The following EIF2AK1 variants were observed in gnomAD, a reference collection of about 807,000 sequenced individuals.
EIF2AK1 encodes eukaryotic translation initiation factor 2 alpha kinase 1.
EIF2AK1 carries 54 observed loss-of-function variants against 77.9 expected under a neutral mutation model. That is an observed-to-expected ratio of 0.69 (90% CI 0.56 to 0.87). The LOEUF (loss-of-function observed/expected upper bound fraction) is 0.87, where lower values mean the gene tolerates loss of function less well. Ranked by LOEUF, EIF2AK1 falls within the 40% of genes least tolerant of loss-of-function variation. EIF2AK1 has a pLI of 0.00. For synonymous variants in EIF2AK1, 314 were observed against 290.5 expected (o/e 1.08, Z -0.82); for missense variants, 810 against 768.6 (o/e 1.05, Z -0.64).
intron 11 of EIF2AK1, chr7:6,031,339 A>G (rs1787904744): frequency 2.0e-5 from 31 of 1,531,896 alleles, no homozygotes; most frequent in Non-Finnish European, 2.7e-5. Flanking sequence ...GACCAATTCC[A>G]TAACAACATT....
Position 6,035,109 on chromosome 7 carries a change from C to T in EIF2AK1, c.1332+2315G>A, listed in dbSNP as rs1420530241. ...AGATACAGCCTTGAAGGGACACAGC[C>T]CTAGCGGGGACGGCACAGGTAAAAC... On this transcript the variant is annotated intron_variant, in intron 11 of 14. Transcript: ENST00000199389. This position sits in a 1 kb window ranked among gnomAD's most constrained non-coding sequence, Gnocchi z 5.5. Among the ~76,000 whole-genome samples, 1 of 152,136 alleles carries T rather than the reference C, an allele frequency of 6.6e-6. No individual in the cohort carries two copies. Among genetic ancestry groups the T allele is most frequent in the East Asian group, 1.9e-4 (1 of 5,204 alleles).
At chr7:6,038,076 TATG>T (rs1343931959) in intron 10 of EIF2AK1, among the ~76,000 whole-genome samples, 3 of 152,188 alleles carry the variant, frequency 2.0e-5, no homozygotes, top group Admixed American at 6.6e-5. Context: ...CATCTATTAA[TATG>T]ATGACATACA....
chr7:6,039,801 GT>G (rs2128888874), intron 9 of EIF2AK1, among the ~76,000 whole-genome samples: 1 of 150,498 alleles, frequency 6.6e-6, no homozygotes, highest in East Asian at 2.0e-4. Flanking sequence ...GCTGGGCGTG[GT>G]GGTGGGCGCC....
At position 6,036,152 on chromosome 7, in the gene EIF2AK1, G is replaced by A. The variant is rs1466144855; in HGVS notation, c.1332+1272C>T. On this transcript the variant is annotated intron_variant, in intron 11 of 14. Coordinates refer to ENST00000199389, the MANE Select transcript of EIF2AK1 (RefSeq NM_014413.4). This position sits in a 1 kb window ranked among gnomAD's most constrained non-coding sequence, Gnocchi z 4.6. ...GGCTACTTTATCACACTTATCCTCTGAGAATGACCAATAACCAAGGAATTC... is the reference window on the plus strand; with the variant it reads ...GGCTACTTTATCACACTTATCCTCTAAGAATGACCAATAACCAAGGAATTC... 2.6e-6 allele frequency: 4 copies of A among 1,550,056 alleles called. No homozygotes were observed. The African/African-American group carries it at 5.5e-5, about 21-fold the overall frequency.
At chr7:6,047,893 T>C (rs1218753507) in intron 4 of EIF2AK1, 2 of 152,152 alleles carry the variant, frequency 1.3e-5, no homozygotes, top group Non-Finnish European at 2.9e-5. Context: ...AAGGTCACCA[T>C]ACTGATGCCA....
rs144784490 is a variant in EIF2AK1, at chr7:6,027,641, G to A, written c.1531-680C>T. Among the ~76,000 whole-genome samples, 1,298 of 152,164 alleles carry A rather than the reference G, an allele frequency of 8.5e-3. 8 individuals are homozygous for A. Among genetic ancestry groups the A allele is most frequent in the Non-Finnish European group, 0.012 (808 of 68,016 alleles). On this transcript the variant is annotated intron_variant, in intron 13 of 14. Coordinates refer to ENST00000199389, the MANE Select transcript of EIF2AK1 (RefSeq NM_014413.4). The surrounding 1 kb of genome is among the most constrained non-coding windows in gnomAD (Gnocchi z 4.5). ...CGTTCTATTTCAAGGGGAGTCAAGG[G>A]GCAGGCTTCCCCTTGGTGTTTATTT...
chr7:6,044,495 G>C, intron 7 of EIF2AK1, 67 bp downstream of exon 7: 6 of 1,330,582 alleles, frequency 4.5e-6, no homozygotes, highest in Non-Finnish European at 6.3e-6. Flanking sequence ...ACAAAGGCAG[G>C]CCAGATTTGG....
At chr7:6,051,574 C>T (rs1020428011) in intron 2 of EIF2AK1, among the ~76,000 whole-genome samples, 1 of 151,922 alleles carries the variant, frequency 6.6e-6, no homozygotes, top group African/African-American at 2.4e-5. Context: ...GGATTACAGG[C>T]ACCCGCCAAC....
chr7:6,031,340 TAAC>T (rs1385681671), intron 11 of EIF2AK1: 42 of 1,531,968 alleles, frequency 2.7e-5, no homozygotes, highest in Non-Finnish European at 3.6e-5. Flanking sequence ...ACCAATTCCA[TAAC>T]AACATTTTCC....
chr7:6,041,222 G>GAAA lies in EIF2AK1; in HGVS notation c.792-6_792-4dup. The GAAA allele has an allele frequency of 7.2e-7, 1 of 1,382,824 alleles. No homozygotes were observed. Among genetic ancestry groups the GAAA allele is most frequent in the Non-Finnish European group, 9.8e-7 (1 of 1,016,286 alleles). 85.7% of individuals were successfully genotyped at this position (1,382,824 alleles called of 1,614,324 possible). A position where few individuals can be genotyped will look rare whatever the true frequency, so the allele number is the denominator to read the frequency against. Reference sequence around the variant, plus strand: ...CATTTTTAACACCACATTGCTCTCTGAAAAAAAAAAAAATAGTAAACATAA... The same window carrying GAAA: ...CATTTTTAACACCACATTGCTCTCTGAAAAAAAAAAAAAAAATAGTAAACATAA... On this transcript the variant is annotated splice_region_variant and splice_polypyrimidine_tract_variant and intron_variant, in intron 8 of 14. Coordinates refer to ENST00000199389, the MANE Select transcript of EIF2AK1 (RefSeq NM_014413.4).
chr7:6,042,100 G>A (rs556517162), intron 8 of EIF2AK1, among the ~76,000 whole-genome samples: 68 of 152,238 alleles, frequency 4.5e-4, no homozygotes, highest in African/African-American at 1.6e-3. Context: ...AATGAGCTGT[G>A]ATCATACCAC....
At position 6,035,895 on chromosome 7, in the gene EIF2AK1, G is replaced by T. The variant is rs774331912; in HGVS notation, c.1332+1529C>A. 2.3e-5 allele frequency: 35 copies of T among 1,546,726 alleles called. No individual in the cohort carries two copies. In the South Asian group the frequency reaches 4.1e-4, roughly 18 times the overall value. On this transcript the variant is annotated intron_variant, in intron 11 of 14. Transcript: ENST00000199389. This position sits in a 1 kb window ranked among gnomAD's most constrained non-coding sequence, Gnocchi z 5.5. The stretch of plus-strand genomic sequence containing the variant: ...AAGCAAAGCAGGCCGACTCCTCGGG[G>T]CGGGGGTCAGCTGCATCCGTCTGCT...
chr7:6,026,684 A>T, intron 14 of EIF2AK1, 44 bp downstream of exon 14: 1 of 1,552,670 alleles, frequency 6.4e-7, no homozygotes, highest in Non-Finnish European at 8.9e-7. Context: ...AGAGGCAATA[A>T]AAACCACCTT....
intron 2 of EIF2AK1, among the ~76,000 whole-genome samples, chr7:6,050,914 C>T (rs1351921256): frequency 6.6e-6 from 1 of 151,986 alleles, no homozygotes; most frequent in Admixed American, 6.6e-5. Context: ...ATAATTACTT[C>T]TCTTACCCTG....
At position 6,047,106 on chromosome 7, in the gene EIF2AK1, C is replaced by G; in HGVS notation, c.450-15G>C. Reference sequence around the variant, plus strand: ...CTTCCCTTGATCTGAAAGTTAAATACAAACAATCAATATTAAAACATGAGA... The same window carrying G: ...CTTCCCTTGATCTGAAAGTTAAATAGAAACAATCAATATTAAAACATGAGA... On this transcript the variant is annotated splice_polypyrimidine_tract_variant and intron_variant, in intron 4 of 14. Transcript: ENST00000199389. 6.3e-7 allele frequency: 1 copy of G among 1,598,590 alleles called. No individual in the cohort carries two copies.
intron 2 of EIF2AK1, among the ~76,000 whole-genome samples, chr7:6,050,480 C>A (rs537467724): frequency 6.6e-6 from 1 of 152,168 alleles, no homozygotes; most frequent in Non-Finnish European, 1.5e-5. Flanking sequence ...CAGGCATGAG[C>A]CACCAGGCCC....
Position 6,059,047 on chromosome 7 carries a change from C to A in EIF2AK1, c.37G>T (p.Glu13Ter). The change falls in exon 1 of 15, where the codon GAG becomes TAG. Residue 13 changes from glutamate to a stop codon, truncating the protein, a stop_gained. Transcript: ENST00000199389. LOFTEE classifies it high-confidence loss of function. ...GGNSGVRKRE[E>*]EGDGAGAVAA... ...ACAGCCCCAGCCCCGTCGCCCTCCT[C>A]TTCGCGCTTGCGGACCCCGGAGTTG... 2 of 1,504,974 alleles carry A rather than the reference C, an allele frequency of 1.3e-6. No individual in the cohort carries two copies. Among genetic ancestry groups the A allele is most frequent in the Non-Finnish European group, 8.8e-7 (1 of 1,132,544 alleles). The allele number at this position is 1,504,974 out of a possible 1,614,324, so 93.2% of individuals were successfully genotyped here. A position where few individuals can be genotyped will look rare whatever the true frequency, so the allele number is the denominator to read the frequency against.
intron 1 of EIF2AK1, among the ~76,000 whole-genome samples, chr7:6,058,755 G>A (rs1362998289): frequency 2.0e-5 from 3 of 152,206 alleles, no homozygotes; most frequent in Non-Finnish European, 2.9e-5. Context: ...ACAAAGGAGG[G>A]AGAGGCAGAC....
chr7:6,054,396 G>C, intron 2 of EIF2AK1, 150 bp downstream of exon 2: 1 of 753,468 alleles, frequency 1.3e-6, no homozygotes. Context: ...TAAAGAGGGG[G>C]TTTCGTCATG....
Sources: allele counts gnomAD v4.1 joint callset (sites outside exome capture counted in the v4.1 genomes callset), GRCh38; gene constraint gnomAD v4.1.1; non-coding constraint Gnocchi (gnomAD v3.1); transcripts MANE v1.5; gene names NCBI Gene and HGNC (gene_info 2026-07-23, HGNC 2026-07-21).